SIPA1L1: variants seen among roughly 807,000 people sequenced by gnomAD.
SIPA1L1 encodes signal induced proliferation associated 1 like 1.
Under a neutral mutation model 162.7 loss-of-function variants are expected in SIPA1L1, and 26 were observed. That is an observed-to-expected ratio of 0.16 (90% CI 0.12 to 0.22). The LOEUF (loss-of-function observed/expected upper bound fraction) is 0.22, where lower values mean the gene tolerates loss of function less well. SIPA1L1 is among the 10% of genes least tolerant of loss of function. The probability of loss-of-function intolerance (pLI) is 1.00; values close to 1 mark genes in which losing one functional copy is unlikely to be tolerated. For synonymous variants in SIPA1L1, 829 were observed against 837.4 expected, an observed-to-expected ratio of 0.99 and a Z score of 0.17; for missense variants, 1,874 against 2,241.0, an observed-to-expected ratio of 0.84 and a Z score of 3.31.
At chr14:71,543,966 TATATAC>T (rs1278606549) in intron 4 of SIPA1L1, among the ~76,000 whole-genome samples, 1 of 150,282 alleles carries the variant, frequency 6.7e-6, no homozygotes, top group African/African-American at 2.5e-5. Context: ...CATGTATGTA[TATATAC>T]ACACACGCAC....
chr14:71,717,871 G>A (rs1291904165), intron 17 of SIPA1L1, among the ~76,000 whole-genome samples: 1 of 152,210 alleles, frequency 6.6e-6, no homozygotes, highest in African/African-American at 2.4e-5. Flanking sequence ...TACTTTGGAA[G>A]TGTGTTAAAA....
At chr14:71,365,552 T>C (rs770423142) in intron 2 of SIPA1L1, among the ~76,000 whole-genome samples, 21 of 152,142 alleles carry the variant, frequency 1.4e-4, no homozygotes, top group Non-Finnish European at 1.8e-4. Flanking sequence ...TCAGCTTCTC[T>C]CTATCCCAGT....
intron 4 of SIPA1L1, among the ~76,000 whole-genome samples, chr14:71,531,899 A>G (rs2053478385): frequency 6.6e-6 from 1 of 152,160 alleles, no homozygotes; most frequent in Non-Finnish European, 1.5e-5. Flanking sequence ...CTTGCTTGGA[A>G]TGTTGCCTCC....
At chr14:71,616,574 T>A (rs1277483983) in intron 5 of SIPA1L1, among the ~76,000 whole-genome samples, 1 of 87,310 alleles carries the variant, frequency 1.1e-5, no homozygotes, top group African/African-American at 4.8e-5. Context: ...GAAGGAGGAA[T>A]GGGCAAATGG....
intron 2 of SIPA1L1, among the ~76,000 whole-genome samples, chr14:71,459,295 T>C (rs182068506): frequency 2.0e-5 from 3 of 152,262 alleles, no homozygotes; most frequent in African/African-American, 7.2e-5. Flanking sequence ...TTTAAGTCCT[T>C]ACAATTATGT....
At chr14:71,529,279 C>T (rs916633954) in intron 3 of SIPA1L1, 33 bp from the exon 4 acceptor site, 1 of 604,042 alleles carries the variant, frequency 1.7e-6, no homozygotes, top group Middle Eastern at 2.6e-4. Context: ...TTATTGTGCA[C>T]TTAACCAGGT....
chr14:71,424,470 A>G (rs527867565), intron 2 of SIPA1L1, among the ~76,000 whole-genome samples: 27 of 152,032 alleles, frequency 1.8e-4, no homozygotes, highest in Non-Finnish European at 1.8e-4. Flanking sequence ...AGTTTATTGA[A>G]TGTTTTTATC....
At position 71,738,180 on chromosome 14, in the gene SIPA1L1, A is replaced by C. The variant is rs1022095931; in HGVS notation, c.5124-61A>C. 23 of 867,854 alleles carry C rather than the reference A, an allele frequency of 2.7e-5. No homozygotes were observed. The East Asian group carries it at 3.4e-4, about 13-fold the overall frequency. 53.8% of individuals were successfully genotyped at this position (867,854 alleles called of 1,614,324 possible). On this transcript the variant is annotated intron_variant, in intron 22 of 23. Transcript: ENST00000381232. The stretch of plus-strand genomic sequence containing the variant: ...TCAGAGTAAAAAAAAAAAAAAAAAA[A>C]AAAAAACAAACCCAGCCATGGAGGC...
At chr14:71,332,561 C>T (rs1180754255) in intron 2 of SIPA1L1, among the ~76,000 whole-genome samples, 2 of 152,104 alleles carry the variant, frequency 1.3e-5, no homozygotes, top group Non-Finnish European at 2.9e-5. Context: ...CCAAAGGAAA[C>T]TGGCTGTAAT....
intron 11 of SIPA1L1, 33 bp from the exon 12 acceptor site, chr14:71,672,315 T>C (rs762719761): frequency 2.5e-6 from 4 of 1,609,940 alleles, no homozygotes; most frequent in Non-Finnish European, 2.5e-6. Flanking sequence ...CCCTATTGCT[T>C]TAAACCACAG....
At chr14:71,491,780 A>ACACACC (rs1395833090) in intron 2 of SIPA1L1, among the ~76,000 whole-genome samples, 25 of 150,070 alleles carry the variant, frequency 1.7e-4, no homozygotes, top group Non-Finnish European at 3.4e-4. Flanking sequence ...ACACACACAC[A>ACACACC]CACACACACA....
intron 2 of SIPA1L1, among the ~76,000 whole-genome samples, chr14:71,364,006 A>G (rs2038047084): frequency 6.6e-6 from 1 of 152,238 alleles, no homozygotes; most frequent in African/African-American, 2.4e-5. Context: ...TTGGTCTCAG[A>G]AACCTTTTAC....
intron 2 of SIPA1L1, among the ~76,000 whole-genome samples, chr14:71,446,894 G>GTTTTTTTTTTTTTTTTTTTTTTTTTTTT (rs765106790): frequency 8.0e-5 from 7 of 87,402 alleles, no homozygotes; most frequent in South Asian, 4.1e-4. Context: ...GATGGGCTCT[G>GTTTTTTTTTTTTTTTTTTTTTTTTTTTT]TTTTTTTTTT....
chr14:71,458,189 G>C (rs1461812520), intron 2 of SIPA1L1, among the ~76,000 whole-genome samples: 2 of 152,100 alleles, frequency 1.3e-5, no homozygotes, highest in Admixed American at 1.3e-4. Flanking sequence ...TTGAGTTCAA[G>C]TGTCTGATCC....
intron 2 of SIPA1L1, among the ~76,000 whole-genome samples, chr14:71,495,354 GTC>G (rs1403922829): frequency 6.6e-6 from 1 of 151,696 alleles, no homozygotes; most frequent in East Asian, 1.9e-4. Context: ...GGTTATTTAT[GTC>G]TCTCTAGGAA....
chr14:71,560,568 A>G lies in SIPA1L1; in HGVS notation c.-302-27003A>G, dbSNP rs540977643. Among the ~76,000 whole-genome samples the G allele has an allele frequency of 4.1e-4, 62 of 152,334 alleles. 3 individuals carry two copies. In the South Asian group the frequency reaches 0.013, roughly 31 times the overall value. On this transcript the variant is annotated intron_variant, in intron 4 of 23. Coordinates refer to ENST00000381232, the MANE Select transcript of SIPA1L1 (RefSeq NM_001386936.1). ...TTTTCATTAGTCCTGATTTAGGACT[A>G]ATCTGTTCCTGACTAGTTACCCCTA...
intron 2 of SIPA1L1, among the ~76,000 whole-genome samples, chr14:71,381,273 C>T (rs1190197119): frequency 1.3e-5 from 2 of 152,190 alleles, no homozygotes; most frequent in African/African-American, 2.4e-5. Context: ...AGGATGGTCT[C>T]AATCTCCTGA....
At chr14:71,338,827 C>T (rs755647307) in intron 2 of SIPA1L1, among the ~76,000 whole-genome samples, 58 of 151,214 alleles carry the variant, frequency 3.8e-4, no homozygotes, top group Non-Finnish European at 5.9e-4. Flanking sequence ...GCAACCTCCG[C>T]CTCCTGGGTT....
At chr14:71,677,905 C>G (rs886071615) in intron 12 of SIPA1L1, among the ~76,000 whole-genome samples, 1 of 152,146 alleles carries the variant, frequency 6.6e-6, no homozygotes, top group East Asian at 1.9e-4. Flanking sequence ...AGTCAAATAG[C>G]GTGATGCCTC....
Sources: gnomAD v4.1 joint callset for allele counts (sites outside exome capture counted in the v4.1 genomes callset) on GRCh38, gnomAD v4.1.1 for gene constraint, MANE v1.5 for transcripts, NCBI Gene and HGNC (gene_info 2026-07-23, HGNC 2026-07-21) for gene names.